F5: variants seen among roughly 807,000 people sequenced by gnomAD.
The protein encoded by F5 is activated protein c cofactor.
In F5, 138 loss-of-function variants were observed where a neutral mutation model predicts 216.4. The ratio of observed to expected loss-of-function variants is 0.64; its 90% confidence interval spans 0.56 to 0.73. The LOEUF (loss-of-function observed/expected upper bound fraction) is 0.73, where lower values mean the gene tolerates loss of function less well. Ranked by LOEUF, F5 falls within the 30% of genes least tolerant of loss-of-function variation. F5 has a pLI of 0.00. For synonymous variants in F5, 916 were observed against 930.7 expected (o/e 0.98, Z 0.29); for missense variants, 2,403 against 2,674.0 (o/e 0.90, Z 2.24).
At chr1:169,546,187 AC>A (rs1659998248) in intron 11 of F5, among the ~76,000 whole-genome samples, 1 of 142,030 alleles carries the variant, frequency 7.0e-6, no homozygotes, top group African/African-American at 2.6e-5. Context: ...GTGTACACAC[AC>A]ACACACACAC....
At chr1:169,523,780 T>C (rs1557906919) in intron 20 of F5, 21 bp downstream of exon 20, 14 of 1,546,942 alleles carry the variant, frequency 9.1e-6, no homozygotes, top group Middle Eastern at 3.4e-4. Flanking sequence ...CAGTAAATAT[T>C]ATCAGTCTAT....
chr1:169,570,340 C>T (rs923391460), intron 3 of F5, among the ~76,000 whole-genome samples: 3 of 152,116 alleles, frequency 2.0e-5, no homozygotes, highest in African/African-American at 7.2e-5. Context: ...ATGAAACCTG[C>T]ATGTGACATT....
chr1:169,541,627 C>T lies in F5; in HGVS notation c.3463G>A (p.Glu1155Lys), dbSNP rs1557915434. The T allele has an allele frequency of 1.9e-6, 3 of 1,613,996 alleles. No homozygotes were observed. The South Asian group carries it at 3.3e-5, about 18-fold the overall frequency. Residue 1155 changes from glutamate (E) to lysine (K), a missense_variant, in exon 13 of 25, where the codon GAA becomes AAA. Around this residue, in one of 4 missense-constraint regions of F5, gnomAD observed 1,425 missense variants for 1,554.8 expected, o/e 0.92. Coordinates refer to ENST00000367797, the MANE Select transcript of F5 (RefSeq NM_000130.5). ...TGACTTCGGTCATACTCAAGCATTTCACTGAGCTCTGGAGAAGAGGATCTG... is the reference window on the plus strand; with the variant it reads ...TGACTTCGGTCATACTCAAGCATTTTACTGAGCTCTGGAGAAGAGGATCTG... ...SHRSSSPELS[E>K]MLEYDRSHKS... is the part of the protein sequence containing the mutation.
At chr1:169,561,289 C>T (rs569613160) in intron 3 of F5, among the ~76,000 whole-genome samples, 93 of 59,006 alleles carry the variant, frequency 1.6e-3, no homozygotes, top group African/African-American at 6.9e-3. Flanking sequence ...TCAATTTTTT[C>T]CCCCGAGCCA....
At chr1:169,583,459 T>A (rs1482265475) in intron 1 of F5, among the ~76,000 whole-genome samples, 1 of 152,214 alleles carries the variant, frequency 6.6e-6, no homozygotes, top group African/African-American at 2.4e-5. Context: ...ATTCAGTATC[T>A]CTGGACTTGA....
At chr1:169,556,441 A>AAAAAAAAAAAAT (rs1660331609) in intron 6 of F5, among the ~76,000 whole-genome samples, 1 of 149,464 alleles carries the variant, frequency 6.7e-6, no homozygotes, top group Non-Finnish European at 1.5e-5. Context: ...AAAAAAAAAA[A>AAAAAAAAAAAAT]CCTTTGCCAA....
At chr1:169,554,568 AG>A (rs1660266557) in intron 7 of F5, among the ~76,000 whole-genome samples, 1 of 152,246 alleles carries the variant, frequency 6.6e-6, no homozygotes. Context: ...TTAGATTTCC[AG>A]AGTGAGATAG....
intron 18 of F5, among the ~76,000 whole-genome samples, chr1:169,525,378 T>G (rs1355561768): frequency 6.6e-6 from 1 of 152,136 alleles, no homozygotes; most frequent in Non-Finnish European, 1.5e-5. Context: ...CTGATGAGAC[T>G]ATGTTCTCAA....
chr1:169,561,677 G>T (rs1299082906), intron 3 of F5, among the ~76,000 whole-genome samples: 1 of 152,054 alleles, frequency 6.6e-6, no homozygotes, highest in Non-Finnish European at 1.5e-5. Flanking sequence ...ATCATCAGCT[G>T]GTGACAGAAT....
chr1:169,518,348 G>A lies in F5; in HGVS notation c.6345+64C>T, dbSNP rs560451001. ...GCTTCCCAGATCCTCCATGTTTGTG[G>A]TAGTGAGGGCCTTTGCTTTCTTCTG... is the stretch of plus-strand genomic sequence containing the variant. On this transcript the variant is annotated intron_variant, in intron 23 of 24. Coordinates refer to ENST00000367797, the MANE Select transcript of F5 (RefSeq NM_000130.5). 6.3e-6 allele frequency: 10 copies of A among 1,577,502 alleles called. No homozygotes were observed. In the African/African-American group the frequency reaches 9.4e-5, roughly 15 times the overall value.
Position 169,518,600 on chromosome 1 carries a change from A to C in F5, c.6194-37T>G, listed in dbSNP as rs1203290025. The C allele has an allele frequency of 3.1e-6, 5 of 1,610,444 alleles. No homozygotes were observed. In the Admixed American group the frequency reaches 6.7e-5, roughly 21 times the overall value. ...AAAGTAACGTGATTAATTACACACC[A>C]ATATTCCCTGCATGGCTTCATGCAC... On this transcript the variant is annotated intron_variant, in intron 22 of 24. Coordinates refer to ENST00000367797, the MANE Select transcript of F5 (RefSeq NM_000130.5).
intron 2 of F5, among the ~76,000 whole-genome samples, chr1:169,575,864 T>C (rs1420223946): frequency 6.6e-6 from 1 of 152,104 alleles, no homozygotes; most frequent in South Asian, 2.1e-4. Context: ...TGCTACTTTA[T>C]ATGGCAAAAG....
At chr1:169,529,528 T>C in intron 16 of F5, 80 bp downstream of exon 16, 1 of 1,307,612 alleles carries the variant, frequency 7.6e-7, no homozygotes, top group South Asian at 1.2e-5. Context: ...ATGTCTAATC[T>C]TGTGAATATC....
rs1571553092 is a variant in F5 at position 169,512,160 on chromosome 1, T to A, written c.*2153A>T. Among the ~76,000 whole-genome samples, 1 of 152,052 alleles carries A rather than the reference T, an allele frequency of 6.6e-6. No homozygotes were observed. The highest frequency in any genetic ancestry group is 1.9e-4 in the East Asian group (1 of 5,192). ...TCATTTTATGGAAGAGAAAGCAGAC[T>A]AAAAGTCTAGGGATATGATCATTTG... On this transcript the variant is annotated 3_prime_UTR_variant, in exon 25 of 25. Coordinates refer to ENST00000367797, the MANE Select transcript of F5 (RefSeq NM_000130.5).
chr1:169,534,164 G>A (rs1283021437), intron 14 of F5, among the ~76,000 whole-genome samples: 1 of 152,202 alleles, frequency 6.6e-6, no homozygotes, highest in Non-Finnish European at 1.5e-5. Flanking sequence ...ACCCACTCAC[G>A]TGGACCCTCT....
At position 169,552,699 on chromosome 1, in the gene F5, T is replaced by C. The variant is rs371770676; in HGVS notation, c.1154A>G (p.Asn385Ser). ...YRSQHLDNFS[N>S]QIGKHYKKVM... is the part of the protein sequence containing the mutation. ...TTTCTTATAATGTTTTCCAATTTGG[T>C]TTGAGAAATTATCCAAATGCTGAGA... The change falls in exon 8 of 25, where the codon AAC becomes AGC. Residue 385 changes from asparagine (N) to serine (S), a missense_variant. Physicochemically the swap from Asn to Ser is conservative, Grantham distance 46. Coordinates refer to ENST00000367797, the MANE Select transcript of F5 (RefSeq NM_000130.5). The C allele has an allele frequency of 5.3e-5, 86 of 1,612,194 alleles. 2 individuals are homozygous for C. The highest frequency in any genetic ancestry group is 6.6e-5 in the Non-Finnish European group (78 of 1,179,382).
In F5 at chr1:169,542,047, C is replaced by T; in HGVS notation, c.3043G>A (p.Gly1015Arg). The change falls in exon 13 of 25, where the codon GGA (glycine) becomes AGA (arginine). Residue 1015 changes from glycine to arginine, a missense_variant. Gly to Arg is a moderately radical substitution (Grantham distance 125). Around this residue, in one of 4 missense-constraint regions of F5, gnomAD observed 1,425 missense variants for 1,554.8 expected, o/e 0.92. Transcript: ENST00000367797. ...CTTTTCTTCAGTCTACTCTTTCCTC[C>T]ATCCTGTCTTACTTGTAGAGATTTA... ...RHKSLQVRQDGGKSRLKKSQF... is the reference protein window; with the variant it reads ...RHKSLQVRQDRGKSRLKKSQF... The T allele has an allele frequency of 6.2e-7, 1 of 1,614,030 alleles. No individual in the cohort carries two copies. The highest frequency in any genetic ancestry group is 8.5e-7 in the Non-Finnish European group (1 of 1,180,006).
At chr1:169,522,925 A>G (rs915527025) in intron 21 of F5, among the ~76,000 whole-genome samples, 2 of 152,242 alleles carry the variant, frequency 1.3e-5, no homozygotes, top group African/African-American at 4.8e-5. Flanking sequence ...ACCATTGGCC[A>G]GTCTGAGAAA....
rs148045855 is a variant in F5, at chr1:169,518,541, C to T, written c.6216G>A (p.Met2072Ile). ...GCTTGTTTTCTATCTTTCCATTTTC[C>T]ATACCCAGGGGTGTGGAACATCCTA... ...EVNGCSTPLG[M>I]ENGKIENKQI... Residue 2072 changes from methionine (M) to isoleucine (I), a missense_variant, in exon 23 of 25, where the codon ATG (methionine) becomes ATA (isoleucine). Around this residue, in one of 4 missense-constraint regions of F5, gnomAD observed 659 missense variants for 787.9 expected, o/e 0.84. Coordinates refer to ENST00000367797, the MANE Select transcript of F5 (RefSeq NM_000130.5). 11 of 1,613,736 alleles carry T rather than the reference C, an allele frequency of 6.8e-6. No individual in the cohort carries two copies. In the African/African-American group the frequency reaches 1.3e-4, roughly 20 times the overall value.
Sources: gnomAD v4.1 joint callset for allele counts (sites outside exome capture counted in the v4.1 genomes callset) on GRCh38, gnomAD v4.1.1 for gene constraint, gnomAD v4.1.1 regional missense constraint, MANE v1.5 for transcripts, NCBI Gene and HGNC (gene_info 2026-07-23, HGNC 2026-07-21) for gene names.